The following PTPRM variants were observed in gnomAD, a reference collection of about 807,000 sequenced individuals.
PTPRM encodes receptor-type tyrosine-protein phosphatase mu.
In PTPRM, 47 loss-of-function variants were observed where a neutral mutation model predicts 186.7. That is an observed-to-expected ratio of 0.25 (90% confidence interval 0.20 to 0.32). PTPRM has a LOEUF of 0.32. Among genes scored for constraint, PTPRM ranks in the 10% least tolerant of loss-of-function variants. The pLI, the probability that PTPRM is intolerant of heterozygous loss-of-function variation, is 1.00. For missense variants in PTPRM, 1,494 were observed against 1,865.0 expected (o/e 0.80, Z 3.66); for synonymous variants, 668 against 674.9 (o/e 0.99, Z 0.16).
chr18:7,965,392 C>A (rs546419979), intron 7 of PTPRM, among the ~76,000 whole-genome samples: 1 of 152,258 alleles, frequency 6.6e-6, no homozygotes, highest in East Asian at 1.9e-4. Flanking sequence ...AGCTTGATGG[C>A]AGTTTGCTTA....
At chr18:7,966,566 T>C (rs1431646729) in intron 7 of PTPRM, among the ~76,000 whole-genome samples, 12 of 147,436 alleles carry the variant, frequency 8.1e-5, no homozygotes, top group Admixed American at 1.4e-4. Context: ...CACTAGGGAG[T>C]GCCAGACAGT....
intron 19 of PTPRM, among the ~76,000 whole-genome samples, chr18:8,285,944 T>C (rs888129326): frequency 2.0e-5 from 3 of 152,126 alleles, no homozygotes; most frequent in Non-Finnish European, 2.9e-5. Context: ...TGAGCTGAGA[T>C]CACACCACTG....
intron 14 of PTPRM, among the ~76,000 whole-genome samples, chr18:8,155,556 C>A (rs1346804420): frequency 2.6e-5 from 4 of 152,184 alleles, no homozygotes; most frequent in Non-Finnish European, 4.4e-5. Flanking sequence ...GTACATTTTG[C>A]AAATGCAGCA....
intron 1 of PTPRM, among the ~76,000 whole-genome samples, chr18:7,727,188 G>A (rs562642118): frequency 7.9e-5 from 12 of 152,182 alleles, no homozygotes; most frequent in African/African-American, 2.2e-4. Flanking sequence ...GTAAGAAGGG[G>A]CTCTTGAATG....
chr18:7,857,520 A>G (rs962023056), intron 2 of PTPRM, among the ~76,000 whole-genome samples: 5 of 152,166 alleles, frequency 3.3e-5, no homozygotes, highest in African/African-American at 7.2e-5. Context: ...TTGCTGAAAG[A>G]CGTATGAGAA....
Position 8,375,974 on chromosome 18 carries a change from C to T in PTPRM, c.3172-72C>T, listed in dbSNP as rs1369148156. ...TACCTGGGGACTGTTTCCACTCCCCCAGCTATCCCTGCTTATTTGTGGTTT... is the reference window on the plus strand; with the variant it reads ...TACCTGGGGACTGTTTCCACTCCCCTAGCTATCCCTGCTTATTTGTGGTTT... On this transcript the variant is annotated intron_variant, in intron 24 of 32. Transcript: ENST00000580170. The T allele has an allele frequency of 2.0e-6, 3 of 1,490,028 alleles. No homozygotes were observed. The African/African-American group carries it at 4.1e-5, about 20-fold the overall frequency. 92.3% of individuals were successfully genotyped at this position (1,490,028 alleles called of 1,614,324 possible).
chr18:8,082,496 T>G (rs1381811879), intron 9 of PTPRM, among the ~76,000 whole-genome samples: 32 of 101,954 alleles, frequency 3.1e-4, no homozygotes, highest in Non-Finnish European at 1.5e-4. Flanking sequence ...CTTTTCTCCC[T>G]CCTTCTCTCC....
In PTPRM at chr18:7,567,791, G is replaced by A; in HGVS notation, c.-28G>A. 2 of 1,514,542 alleles carry A rather than the reference G, an allele frequency of 1.3e-6. No individual in the cohort carries two copies. The highest frequency in any genetic ancestry group is 2.5e-5 in the South Asian group (2 of 78,944). 93.8% of individuals were successfully genotyped at this position (1,514,542 alleles called of 1,614,324 possible). ...CTCGCGCGCCCACCCACCGCCGCCG[G>A]GGAGCGGCCCGGCCCGCACTCAGCA... On this transcript the variant is annotated 5_prime_UTR_variant, in exon 1 of 33. Coordinates refer to ENST00000580170, the MANE Select transcript of PTPRM (RefSeq NM_001105244.2). The surrounding 1 kb of genome is among the most constrained non-coding windows in gnomAD (Gnocchi z 4.3).
intron 1 of PTPRM, among the ~76,000 whole-genome samples, chr18:7,695,940 G>A (rs1374368821): frequency 6.6e-6 from 1 of 152,106 alleles, no homozygotes. Flanking sequence ...TCGAAAGTTC[G>A]TTTCTCAGTG....
At chr18:8,025,308 G>A (rs2148005004) in intron 7 of PTPRM, among the ~76,000 whole-genome samples, 1 of 152,248 alleles carries the variant, frequency 6.6e-6, no homozygotes, top group East Asian at 1.9e-4. Flanking sequence ...ACATTTTGAA[G>A]ATGAGAAAAA....
chr18:7,590,821 G>A (rs1428237270), intron 1 of PTPRM, among the ~76,000 whole-genome samples: 1 of 152,198 alleles, frequency 6.6e-6, no homozygotes, highest in Non-Finnish European at 1.5e-5. Context: ...ATTAACCACA[G>A]TTAATTATAG....
At position 7,961,816 on chromosome 18, in the gene PTPRM, A is replaced by AT. The variant is rs35672572; in HGVS notation, c.1132+6409dup. On this transcript the variant is annotated intron_variant, in intron 7 of 32. Coordinates refer to ENST00000580170, the MANE Select transcript of PTPRM (RefSeq NM_001105244.2). The stretch of plus-strand genomic sequence containing the variant: ...AAGCGATAGTGTTTTTATAACTTCC[A>AT]TTTTTTTAAATGATTGAGTGAGTTT... Among the ~76,000 whole-genome samples, 1,053 of 152,140 alleles carry AT rather than the reference A, an allele frequency of 6.9e-3. 11 individuals are homozygous for AT. The highest frequency in any genetic ancestry group is 0.024 in the African/African-American group (1,001 of 41,486).
intron 11 of PTPRM, among the ~76,000 whole-genome samples, chr18:8,112,395 G>T (rs1446647798): frequency 1.3e-5 from 2 of 152,178 alleles, no homozygotes; most frequent in African/African-American, 4.8e-5. Context: ...CCCCCCATGG[G>T]TGGGGATAGC....
intron 1 of PTPRM, among the ~76,000 whole-genome samples, chr18:7,584,981 A>G (rs1331723996): frequency 2.0e-5 from 3 of 152,208 alleles, no homozygotes; most frequent in Admixed American, 6.5e-5. Flanking sequence ...CGAGCCCTCT[A>G]TTTCTCAACT....
At chr18:7,721,791 GT>G (rs561445184) in intron 1 of PTPRM, among the ~76,000 whole-genome samples, 107 of 152,168 alleles carry the variant, frequency 7.0e-4, no homozygotes, top group Non-Finnish European at 1.2e-3. Context: ...TCTCTATTCT[GT>G]TTCATTACTC....
At chr18:7,653,411 A>G (rs1031647266) in intron 1 of PTPRM, among the ~76,000 whole-genome samples, 1 of 151,980 alleles carries the variant, frequency 6.6e-6, no homozygotes, top group African/African-American at 2.4e-5. Context: ...AGATTGTTTC[A>G]TCACCCATGT....
intron 14 of PTPRM, among the ~76,000 whole-genome samples, chr18:8,226,170 G>A (rs1398328410): frequency 2.6e-5 from 4 of 152,002 alleles, no homozygotes; most frequent in East Asian, 1.9e-4. Context: ...GCATCACTCC[G>A]TTAACATAAC....
rs376944662 is a variant in PTPRM, at chr18:8,052,799, A to G, written c.1133-16887A>G. Among the ~76,000 whole-genome samples the G allele has an allele frequency of 7.2e-5, 11 of 152,342 alleles. No homozygotes were observed. The East Asian group carries it at 1.3e-3, about 19-fold the overall frequency. On this transcript the variant is annotated intron_variant, in intron 7 of 32. Transcript: ENST00000580170. ...GGCTGTACCAATCCCACTCTCATTA[A>G]TGATGTATAACACATTGCATTGATC...
At chr18:8,252,429 C>G in intron 17 of PTPRM, 59 bp from the exon 18 acceptor site, 1 of 1,366,892 alleles carries the variant, frequency 7.3e-7, no homozygotes, top group Non-Finnish European at 1.0e-6. Context: ...AGTACTATTG[C>G]TTATGCCCTG....
Sources: allele counts gnomAD v4.1 joint callset (sites outside exome capture counted in the v4.1 genomes callset), GRCh38; gene constraint gnomAD v4.1.1; non-coding constraint Gnocchi (gnomAD v3.1); transcripts MANE v1.5; gene names NCBI Gene and HGNC (gene_info 2026-07-23, HGNC 2026-07-21).